LRCH3: variants seen among roughly 807,000 people sequenced by gnomAD.
LRCH3 encodes the protein leucine rich repeats and calponin homology domain containing 3, also known as DISP complex protein LRCH3.
Under a neutral mutation model 104.5 loss-of-function variants are expected in LRCH3, and 68 were observed. The ratio of observed to expected loss-of-function variants is 0.65; its 90% confidence interval spans 0.54 to 0.80. The LOEUF is 0.80. Ranked by LOEUF, LRCH3 falls within the 30% of genes least tolerant of loss-of-function variation. The pLI, the probability that LRCH3 is intolerant of heterozygous loss-of-function variation, is 0.00. For synonymous variants in LRCH3, 344 were observed against 361.3 expected (o/e 0.95, Z 0.54); for missense variants, 951 against 953.9 (o/e 1.00, Z 0.04).
At chr3:197,847,298 T>C in intron 10 of LRCH3, 111 bp from the exon 11 acceptor site, 3 of 972,144 alleles carry the variant, frequency 3.1e-6, no homozygotes, top group Non-Finnish European at 4.6e-6. Context: ...GGCAGTTTGC[T>C]ACTGATTAAT....
intron 1 of LRCH3, among the ~76,000 whole-genome samples, chr3:197,809,510 CTT>C (rs1732879016): frequency 6.6e-6 from 1 of 151,794 alleles, no homozygotes; most frequent in African/African-American, 2.4e-5. Context: ...AGCTCCTTCT[CTT>C]TTGCCAGGAT....
chr3:197,801,962 T>A (rs1462154483), intron 1 of LRCH3, among the ~76,000 whole-genome samples: 1 of 152,176 alleles, frequency 6.6e-6, no homozygotes, highest in Non-Finnish European at 1.5e-5. Flanking sequence ...ATTTCCTTTC[T>A]GGTTGTCAGC....
intron 7 of LRCH3, among the ~76,000 whole-genome samples, chr3:197,831,643 G>T (rs1735952571): frequency 6.6e-6 from 1 of 151,994 alleles, no homozygotes; most frequent in Admixed American, 6.6e-5. Flanking sequence ...ATGGAGTCAT[G>T]AATCTTTTAT....
At chr3:197,795,475 A>G (rs188263346) in intron 1 of LRCH3, among the ~76,000 whole-genome samples, 89 of 152,204 alleles carry the variant, frequency 5.8e-4, no homozygotes, top group African/African-American at 2.0e-3. Context: ...AGAAAGAGGC[A>G]TGCTTTGAGC....
intron 8 of LRCH3, among the ~76,000 whole-genome samples, chr3:197,834,495 A>G (rs1193857053): frequency 6.6e-6 from 1 of 151,452 alleles, no homozygotes. Context: ...GTAGTCAGAA[A>G]CTCTTTCTTT....
intron 10 of LRCH3, among the ~76,000 whole-genome samples, chr3:197,846,788 T>G (rs959468059): frequency 1.3e-5 from 2 of 152,194 alleles, no homozygotes; most frequent in Non-Finnish European, 2.9e-5. Flanking sequence ...TTACAGAGAC[T>G]TGAGCAATGA....
intron 12 of LRCH3, chr3:197,850,524 C>T: frequency 6.3e-7 from 1 of 1,591,590 alleles, no homozygotes; most frequent in East Asian, 2.2e-5. Flanking sequence ...CTCAATGTGG[C>T]AGGGAGAGCT....
chr3:197,864,199 G>A (rs1374314069), intron 15 of LRCH3, among the ~76,000 whole-genome samples: 6 of 152,144 alleles, frequency 3.9e-5, no homozygotes, highest in Non-Finnish European at 5.9e-5. Context: ...CCAGCTACTC[G>A]GGAGGCTGAG....
At chr3:197,837,251 C>T (rs908261463) in intron 9 of LRCH3, among the ~76,000 whole-genome samples, 3 of 151,968 alleles carry the variant, frequency 2.0e-5, no homozygotes, top group Non-Finnish European at 4.4e-5. Flanking sequence ...TTCTTTTTTC[C>T]TGGTCTTTCT....
Position 197,870,238 on chromosome 3 carries a change from A to C in LRCH3, c.1952A>C (p.Gln651Pro). ...TDSITGQNSR[Q>P]REEELELIDQ... is the part of the protein sequence containing the mutation. ...TCCATAACAGGACAGAATTCAAGAC[A>C]GAGAGAAGAAGAGCTGGAATTAATA... Residue 651 changes from glutamine (Q) to proline (P), a missense_variant, in exon 18 of 21, where the codon CAG (glutamine) becomes CCG (proline). By Grantham distance (76) the Gln-to-Pro change is moderately conservative (BLOSUM62 -1). Transcript: ENST00000425562. 6.2e-7 allele frequency: 1 copy of C among 1,613,456 alleles called. No homozygotes were observed.
chr3:197,835,960 C>A, intron 9 of LRCH3, 138 bp downstream of exon 9: 2 of 944,644 alleles, frequency 2.1e-6, no homozygotes, highest in South Asian at 2.1e-5. Flanking sequence ...GATTTCAGTC[C>A]TGAGTTTTTC....
At chr3:197,879,539 G>A (rs540747688) in intron 20 of LRCH3, among the ~76,000 whole-genome samples, 28 of 151,958 alleles carry the variant, frequency 1.8e-4, no homozygotes, top group East Asian at 1.2e-3. Flanking sequence ...CCAGCTGCTC[G>A]GGAGGCTGAG....
At position 197,814,985 on chromosome 3, in the gene LRCH3, CA is replaced by C; in HGVS notation, c.344del (p.Asn115IlefsTer11). On this transcript the variant is annotated frameshift_variant, in exon 2 of 21. Coordinates refer to ENST00000425562, the MANE Select transcript of LRCH3 (RefSeq NM_001365715.1). LOFTEE classifies it high-confidence loss of function. ...TTCTCTGGAAAATCTCAACTTGTAC[CA>C]AAATTGTATTCGTTATATTCCAGAG... The part of the protein sequence containing the change: ...FVSLENLNLY[Q>X]NCIRYIPEAI... 6.3e-7 allele frequency: 1 copy of C among 1,588,334 alleles called. No individual in the cohort carries two copies. The highest frequency in any genetic ancestry group is 8.6e-7 in the Non-Finnish European group (1 of 1,163,084).
intron 20 of LRCH3, 29 bp downstream of exon 20, chr3:197,875,804 CT>C: frequency 7.2e-7 from 1 of 1,383,644 alleles, no homozygotes; most frequent in Non-Finnish European, 9.9e-7. Context: ...TTTATGTTGC[CT>C]AAATAGACTT....
chr3:197,837,231 G>A (rs1350123238), intron 9 of LRCH3, among the ~76,000 whole-genome samples: 2 of 152,034 alleles, frequency 1.3e-5, no homozygotes, highest in Non-Finnish European at 2.9e-5. Flanking sequence ...AATCCTTAAA[G>A]GAATTCATTT....
intron 19 of LRCH3, among the ~76,000 whole-genome samples, chr3:197,872,708 T>C (rs1712363072): frequency 6.6e-6 from 1 of 151,790 alleles, no homozygotes; most frequent in African/African-American, 2.4e-5. Flanking sequence ...AATACAAAAT[T>C]AGCCAGGAGT....
At chr3:197,878,236 C>T (rs1044337280) in intron 20 of LRCH3, among the ~76,000 whole-genome samples, 3 of 152,144 alleles carry the variant, frequency 2.0e-5, no homozygotes, top group Non-Finnish European at 4.4e-5. Flanking sequence ...AGCCTGTCCG[C>T]GGGGCTTTCG....
chr3:197,879,593 C>T (rs1713400907), intron 20 of LRCH3, among the ~76,000 whole-genome samples: 1 of 151,754 alleles, frequency 6.6e-6, no homozygotes, highest in South Asian at 2.1e-4. Flanking sequence ...TTGCAGTGAG[C>T]CGAGATCAGC....
intron 4 of LRCH3, among the ~76,000 whole-genome samples, chr3:197,822,254 A>G (rs1343484736): frequency 3.3e-5 from 5 of 152,070 alleles, no homozygotes; most frequent in Admixed American, 6.6e-5. Context: ...TCTGTTTGCT[A>G]CCAACTCAGG....
Sources: allele counts gnomAD v4.1 joint callset (sites outside exome capture counted in the v4.1 genomes callset), GRCh38; gene constraint gnomAD v4.1.1; transcripts MANE v1.5; gene names NCBI Gene and HGNC (gene_info 2026-07-23, HGNC 2026-07-21).